Variants in PLEKHG4B observed in about 807,000 individuals in gnomAD.
PLEKHG4B encodes the protein pleckstrin homology and RhoGEF domain containing G4B.
PLEKHG4B carries 111 observed loss-of-function variants against 121.3 expected under a neutral mutation model. The observed-to-expected ratio is 0.92, with a 90% CI of 0.78 to 1.07. PLEKHG4B has a LOEUF of 1.07. Among genes scored for constraint, PLEKHG4B ranks in the 50% least tolerant of loss-of-function variants. The pLI is 0.00. For missense variants in PLEKHG4B, 1,831 were observed against 1,757.8 expected (o/e 1.04, Z -0.74); for synonymous variants, 738 against 725.0 (o/e 1.02, Z -0.29).
At chr5:162,257 G>A (rs1274061543) in intron 12 of PLEKHG4B, among the ~76,000 whole-genome samples, 6 of 70,506 alleles carry the variant, frequency 8.5e-5, no homozygotes, top group Admixed American at 2.7e-4. Flanking sequence ...CAGACTGCTC[G>A]CCTGCGAGCT....
chr5:131,015 G>A (rs115741570), intron 2 of PLEKHG4B, among the ~76,000 whole-genome samples: 2,318 of 152,130 alleles, frequency 0.015, 70 homozygotes, highest in African/African-American at 0.053. Flanking sequence ...CATTCCACTT[G>A]GAATAGTCTT....
intron 2 of PLEKHG4B, among the ~76,000 whole-genome samples, chr5:130,528 G>A (rs1579264365): frequency 2.0e-5 from 3 of 152,288 alleles, no homozygotes; most frequent in Middle Eastern, 3.4e-3. Context: ...CATTCATGGC[G>A]TGATATGCCT....
intron 2 of PLEKHG4B, among the ~76,000 whole-genome samples, chr5:127,340 T>TTATTATTATTA (rs1686746332): frequency 2.2e-4 from 30 of 135,566 alleles, no homozygotes; most frequent in African/African-American, 4.9e-4. Flanking sequence ...ATTGTTGGTT[T>TTATTATTATTA]TTATTATTAT....
chr5:99,182 AT>A (rs1733725235), intron 1 of PLEKHG4B, among the ~76,000 whole-genome samples: 1 of 91,532 alleles, frequency 1.1e-5, no homozygotes, highest in Non-Finnish European at 2.1e-5. Flanking sequence ...ATATATATAT[AT>A]ATATATATAT....
At position 113,148 on chromosome 5, in the gene PLEKHG4B, C is replaced by G; in HGVS notation, c.46-103C>G. On this transcript the variant is annotated intron_variant, in intron 1 of 19. Transcript: ENST00000637938. The surrounding 1 kb of genome is among the most constrained non-coding windows in gnomAD (Gnocchi z 5.2). ...AACTCACATCATGCCAGACACAGGA[C>G]AAGGGACTTCCGTGTGGATCCTTCA... 1 of 398,192 alleles carries G rather than the reference C, an allele frequency of 2.5e-6. No homozygotes were observed. The highest frequency in any genetic ancestry group is 1.4e-4 in the South Asian group (1 of 7,048). The allele number at this position is 398,192 out of a possible 1,614,324, so 24.7% of individuals were successfully genotyped here.
At chr5:110,099 A>G (rs1028662984) in intron 1 of PLEKHG4B, among the ~76,000 whole-genome samples, 1 of 147,236 alleles carries the variant, frequency 6.8e-6, no homozygotes, top group Non-Finnish European at 1.5e-5. Flanking sequence ...CACCTGTACA[A>G]TCTGCAACAC....
chr5:153,979 C>G (rs1028991057), intron 7 of PLEKHG4B, among the ~76,000 whole-genome samples: 1 of 152,038 alleles, frequency 6.6e-6, no homozygotes, highest in African/African-American at 2.4e-5. Flanking sequence ...GTGTCAGCCA[C>G]CACACCGGCC....
chr5:152,484 T>C (rs774058037), intron 7 of PLEKHG4B, among the ~76,000 whole-genome samples: 31 of 152,202 alleles, frequency 2.0e-4, no homozygotes, highest in Admixed American at 6.5e-5. Context: ...GCTCTGGGAT[T>C]GTAGGCCTGA....
At chr5:109,079 G>A (rs1271115651) in intron 1 of PLEKHG4B, among the ~76,000 whole-genome samples, 6 of 152,008 alleles carry the variant, frequency 3.9e-5, no homozygotes, top group Non-Finnish European at 8.8e-5. Flanking sequence ...GGCAGAGCAG[G>A]GACAGTGTGG....
At chr5:164,686 CGG>C (rs1280487272) in intron 13 of PLEKHG4B, among the ~76,000 whole-genome samples, 8 of 84,108 alleles carry the variant, frequency 9.5e-5, no homozygotes, top group African/African-American at 4.4e-4. Context: ...TGACAGGGGG[CGG>C]AGCTCACACT....
At chr5:153,754 C>T (rs542908187) in intron 7 of PLEKHG4B, among the ~76,000 whole-genome samples, 2 of 152,288 alleles carry the variant, frequency 1.3e-5, no homozygotes, top group East Asian at 1.9e-4. Context: ...GGTGTGATCA[C>T]GGCTGCTTGC....
Position 143,177 on chromosome 5 carries a change from A to C in PLEKHG4B, c.1608A>C (p.Gly536=). ...AAGAAGGGTGGCCACCCGGCACAGG[A>C]GACTTCCCCAGCCAGGTGCCCAAGC... ...PEQEGWPPGT[G]DFPSQVPKQV... Residue 536 remains glycine, a synonymous_variant, in exon 4 of 20, where the codon GGA becomes GGC. Coordinates refer to ENST00000637938, the MANE Select transcript of PLEKHG4B (RefSeq NM_052909.5). 2.5e-6 allele frequency: 4 copies of C among 1,611,948 alleles called. No individual in the cohort carries two copies. The highest frequency in any genetic ancestry group is 2.5e-6 in the Non-Finnish European group (3 of 1,180,004).
In PLEKHG4B at chr5:176,898, G is replaced by C. The variant is rs1027760419; in HGVS notation, c.4402+2800G>C. Among the ~76,000 whole-genome samples the C allele has an allele frequency of 7.2e-5, 11 of 152,346 alleles. No individual in the cohort carries two copies. The East Asian group carries it at 2.1e-3, about 29-fold the overall frequency. The stretch of plus-strand genomic sequence containing the variant: ...CTGGGGCTGTGGGGCCTGGGCCACA[G>C]AGCTGACCAACCTCTGCAGGTACAG... On this transcript the variant is annotated intron_variant, in intron 18 of 19. Coordinates refer to ENST00000637938, the MANE Select transcript of PLEKHG4B (RefSeq NM_052909.5).
chr5:179,395 C>T (rs895497015), intron 18 of PLEKHG4B, among the ~76,000 whole-genome samples: 16 of 152,166 alleles, frequency 1.1e-4, no homozygotes, highest in African/African-American at 2.7e-4. Flanking sequence ...TCCTTGCACA[C>T]ACCCTCTGGA....
At position 171,434 on chromosome 5, in the gene PLEKHG4B, G is replaced by A. The variant is rs140989665; in HGVS notation, c.4040G>A (p.Arg1347His). ...GACCTGCTGGCCATGGACGCCATCC[G>A]CGGCTGTGACGTAAGTGCCTCAGAC... The part of the protein sequence containing the change: ...GNDLLAMDAI[R>H]GCDVNLKEQG... The change falls in exon 16 of 20, where the codon CGC becomes CAC. Residue 1347 changes from arginine (R) to histidine (H), a missense_variant. Arg to His is a conservative substitution (Grantham distance 29). Transcript: ENST00000637938. The A allele has an allele frequency of 2.0e-4, 324 of 1,595,362 alleles. No homozygotes were observed. Among genetic ancestry groups the A allele is most frequent in the African/African-American group, 1.1e-3 (80 of 74,922 alleles).
chr5:177,387 G>T (rs1212220393), intron 18 of PLEKHG4B, among the ~76,000 whole-genome samples: 1 of 152,116 alleles, frequency 6.6e-6, no homozygotes, highest in Non-Finnish European at 1.5e-5. Flanking sequence ...CTCATCATAG[G>T]TTATTTAGAA....
chr5:150,349 G>GC (rs1735566542), intron 6 of PLEKHG4B, among the ~76,000 whole-genome samples: 1 of 152,186 alleles, frequency 6.6e-6, no homozygotes, highest in South Asian at 2.1e-4. Context: ...GGTGCCAGGA[G>GC]CAGGGGGTAA....
intron 5 of PLEKHG4B, chr5:143,968 G>A: frequency 5.8e-6 from 1 of 173,318 alleles, no homozygotes; most frequent in East Asian, 1.5e-4. Flanking sequence ...TTTTGAGACA[G>A]GGTCTTGCTC....
At position 156,207 on chromosome 5, in the gene PLEKHG4B, G is replaced by C; in HGVS notation, c.2345G>C (p.Ser782Thr). 6.6e-7 allele frequency: 1 copy of C among 1,510,238 alleles called. No homozygotes were observed. Among genetic ancestry groups the C allele is most frequent in the Non-Finnish European group, 8.9e-7 (1 of 1,124,624 alleles). 93.6% of individuals were successfully genotyped at this position (1,510,238 alleles called of 1,614,324 possible). Residue 782 changes from serine (S) to threonine (T), a missense_variant, in exon 10 of 20, where the codon AGC becomes ACC. Coordinates refer to ENST00000637938, the MANE Select transcript of PLEKHG4B (RefSeq NM_052909.5). The surrounding 1 kb of genome is among the most constrained non-coding windows in gnomAD (Gnocchi z 4.4). Reference sequence around the variant, plus strand: ...AGAGAAGAGCTTGGCACAGAAGACAGCCGGTGAGCGCTCACAGGGGTCATG... The same window carrying C: ...AGAGAAGAGCTTGGCACAGAAGACACCCGGTGAGCGCTCACAGGGGTCATG... ...LRREELGTED[S>T]RDTLEAATSL...
Sources: gnomAD v4.1 joint callset for allele counts (sites outside exome capture counted in the v4.1 genomes callset) on GRCh38, gnomAD v4.1.1 for gene constraint, Gnocchi (gnomAD v3.1) non-coding constraint, MANE v1.5 for transcripts, NCBI Gene and HGNC (gene_info 2026-07-23, HGNC 2026-07-21) for gene names.